The following GDPD5 variants were observed in gnomAD, a reference collection of about 807,000 sequenced individuals.
The protein encoded by GDPD5 is glycerophosphodiester phosphodiesterase 2.
Under a neutral mutation model 75.1 loss-of-function variants are expected in GDPD5, and 48 were observed. The observed-to-expected ratio is 0.64, with a 90% CI of 0.51 to 0.81. GDPD5 has a LOEUF of 0.81. Ranked by LOEUF, GDPD5 falls within the 40% of genes least tolerant of loss-of-function variation. The pLI, the probability that GDPD5 is intolerant of heterozygous loss-of-function variation, is 0.00. For synonymous variants in GDPD5, 336 were observed against 339.0 expected, an observed-to-expected ratio of 0.99 and a Z score of 0.10; for missense variants, 706 against 822.6, an observed-to-expected ratio of 0.86 and a Z score of 1.73.
chr11:75,445,390 C>T (rs1468473984), intron 9 of GDPD5, among the ~76,000 whole-genome samples: 1 of 152,204 alleles, frequency 6.6e-6, no homozygotes, highest in South Asian at 2.1e-4. Context: ...TCAGTTTCCC[C>T]ATGTGCCCCT....
intron 5 of GDPD5, among the ~76,000 whole-genome samples, chr11:75,457,129 C>T (rs955407504): frequency 1.3e-5 from 2 of 152,234 alleles, no homozygotes; most frequent in Admixed American, 6.5e-5. Flanking sequence ...GAGTTCCAGT[C>T]CCCGGGATTC....
At position 75,514,435 on chromosome 11, in the gene GDPD5, C is replaced by T. The variant is rs570201574; in HGVS notation, c.-145+10775G>A. 1.4e-4 allele frequency among the ~76,000 whole-genome samples: 22 copies of T among 152,368 alleles called. No individual in the cohort carries two copies. The East Asian group carries it at 1.7e-3, about 12-fold the overall frequency. ...ACTGGCCTTGGGCCACACAGTGAGA[C>T]GGAGGTGCCAGGACCCAGGCCTTTA... On this transcript the variant is annotated intron_variant, in intron 1 of 16. Transcript: ENST00000336898.
In GDPD5 at chr11:75,449,981, G is replaced by A. The variant is rs774908785; in HGVS notation, c.378C>T (p.Ile126=). 5.2e-5 allele frequency: 84 copies of A among 1,613,210 alleles called. No individual in the cohort carries two copies. Among genetic ancestry groups the A allele is most frequent in the Admixed American group, 8.3e-5 (5 of 60,010 alleles). ...TGGAAGCCAGGATGACCACCAGCCC[G>A]ATCTGGAGGGGGAAGAGTCACCGGA... The part of the protein sequence containing the change: ...QQMNLHWLHK[I]GLVVILASTV... Residue 126 remains isoleucine (I), a splice_region_variant and synonymous_variant, in exon 7 of 17, where the codon ATC becomes ATT. Coordinates refer to ENST00000336898, the MANE Select transcript of GDPD5 (RefSeq NM_030792.8).
At chr11:75,483,704 A>T (rs994837892) in intron 2 of GDPD5, among the ~76,000 whole-genome samples, 2 of 152,222 alleles carry the variant, frequency 1.3e-5, no homozygotes, top group African/African-American at 4.8e-5. Flanking sequence ...TGAGGCAACA[A>T]CATGAATCTT....
chr11:75,468,071 G>A (rs557213444), intron 3 of GDPD5, among the ~76,000 whole-genome samples: 14 of 152,288 alleles, frequency 9.2e-5, no homozygotes, highest in Admixed American at 1.3e-4. Flanking sequence ...GGGCATGGCC[G>A]CTGGGGTGGG....
At chr11:75,459,783 CT>C (rs1190290479) in intron 4 of GDPD5, among the ~76,000 whole-genome samples, 1 of 146,014 alleles carries the variant, frequency 6.8e-6, no homozygotes, top group Non-Finnish European at 1.5e-5. Flanking sequence ...GCACTCCAGC[CT>C]GGGTGACAGA....
chr11:75,459,894 C>A (rs1238160625), intron 4 of GDPD5, among the ~76,000 whole-genome samples: 1 of 151,964 alleles, frequency 6.6e-6, no homozygotes, highest in Admixed American at 6.6e-5. Context: ...GCAACTTGTT[C>A]AAGGTCATCA....
Position 75,435,244 on chromosome 11 carries a change from G to A in GDPD5, c.*263C>T. 1 of 391,570 alleles carries A rather than the reference G, an allele frequency of 2.6e-6. No individual in the cohort carries two copies. Among genetic ancestry groups the A allele is most frequent in the South Asian group, 6.5e-5 (1 of 15,414 alleles). The allele number at this position is 391,570 out of a possible 1,614,324, so 24.3% of individuals were successfully genotyped here. Reference sequence around the variant, plus strand: ...GATACAGGAGAGGGCCTCAGAAGAGGGGGACCAAGCCCTAGGCCCCATACT... The same window carrying A: ...GATACAGGAGAGGGCCTCAGAAGAGAGGGACCAAGCCCTAGGCCCCATACT... On this transcript the variant is annotated 3_prime_UTR_variant, in exon 17 of 17. Coordinates refer to ENST00000336898, the MANE Select transcript of GDPD5 (RefSeq NM_030792.8).
intron 1 of GDPD5, among the ~76,000 whole-genome samples, chr11:75,504,464 G>T (rs1035951277): frequency 1.3e-4 from 20 of 152,224 alleles, no homozygotes; most frequent in African/African-American, 4.8e-4. Flanking sequence ...ATGTGGTCTA[G>T]CCACACAATG....
At chr11:75,460,704 C>A (rs928832894) in intron 4 of GDPD5, among the ~76,000 whole-genome samples, 1 of 152,102 alleles carries the variant, frequency 6.6e-6, no homozygotes, top group Non-Finnish European at 1.5e-5. Context: ...CCTTGGCCTC[C>A]CAACGTGCTG....
intron 1 of GDPD5, among the ~76,000 whole-genome samples, chr11:75,522,659 C>T (rs1206577735): frequency 6.6e-6 from 1 of 152,154 alleles, no homozygotes; most frequent in Non-Finnish European, 1.5e-5. Flanking sequence ...CCTGTCCTAT[C>T]CTGCCTGCCC....
intron 6 of GDPD5, among the ~76,000 whole-genome samples, chr11:75,453,436 G>A (rs1949214863): frequency 6.6e-6 from 1 of 152,058 alleles, no homozygotes. Flanking sequence ...AGCTAACACG[G>A]TGAAACCTCG....
chr11:75,496,926 A>G (rs2135437971), intron 1 of GDPD5, among the ~76,000 whole-genome samples: 1 of 151,618 alleles, frequency 6.6e-6, no homozygotes. Context: ...GACTATAGGT[A>G]TGTGCTACCA....
intron 3 of GDPD5, among the ~76,000 whole-genome samples, chr11:75,465,099 G>T (rs1240472938): frequency 3.3e-5 from 5 of 152,078 alleles, no homozygotes; most frequent in Non-Finnish European, 7.4e-5. Flanking sequence ...TCTCCCAAAG[G>T]GTGAACCATG....
intron 1 of GDPD5, among the ~76,000 whole-genome samples, chr11:75,523,104 T>C (rs1192984227): frequency 1.3e-5 from 2 of 152,178 alleles, no homozygotes; most frequent in African/African-American, 4.8e-5. Context: ...CTTTTCTTCA[T>C]AGGGATGGAA....
rs531247904 is a variant in GDPD5, at chr11:75,510,036, C to T, written c.-145+15174G>A. Among the ~76,000 whole-genome samples, 14 of 152,354 alleles carry T rather than the reference C, an allele frequency of 9.2e-5. No homozygotes were observed. In the East Asian group the frequency reaches 1.2e-3, roughly 13 times the overall value. Reference sequence around the variant, plus strand: ...CCTCCCCGTGCTAAGCTGCAGCATGCGCTCAATGCCACTGCCACTCCCAGT... The same window carrying T: ...CCTCCCCGTGCTAAGCTGCAGCATGTGCTCAATGCCACTGCCACTCCCAGT... On this transcript the variant is annotated intron_variant, in intron 1 of 16. Coordinates refer to ENST00000336898, the MANE Select transcript of GDPD5 (RefSeq NM_030792.8).
chr11:75,436,248 G>A (rs1014149185), intron 16 of GDPD5, among the ~76,000 whole-genome samples: 3 of 152,124 alleles, frequency 2.0e-5, no homozygotes, highest in Non-Finnish European at 4.4e-5. Flanking sequence ...AGTGGAGTTC[G>A]GCCATATAGA....
chr11:75,439,492 G>A lies in GDPD5; in HGVS notation c.1556+387C>T, dbSNP rs530860149. 15 of 402,682 alleles carry A rather than the reference G, an allele frequency of 3.7e-5. No individual in the cohort carries two copies. In the East Asian group the frequency reaches 8.9e-4, roughly 24 times the overall value. 24.9% of individuals were successfully genotyped at this position (402,682 alleles called of 1,614,324 possible). ...GCCCCTTGGTTCCTGGCTGGGTGGG[G>A]GCCCCAGGCTGGCCCTAGACCCTCC... On this transcript the variant is annotated intron_variant, in intron 15 of 16. Transcript: ENST00000336898.
Position 75,441,821 on chromosome 11 carries a change from G to T in GDPD5, c.1168-18C>A, listed in dbSNP as rs1285676164. On this transcript the variant is annotated intron_variant, in intron 12 of 16. Transcript: ENST00000336898. ...CACATGACCTGCAGGCAGAAGAGAG[G>T]CAGCCTCAGACTTCTCTTCTGCACG... 3.8e-6 allele frequency: 6 copies of T among 1,599,294 alleles called. No individual in the cohort carries two copies. The East Asian group carries it at 1.3e-4, about 36-fold the overall frequency.
Sources: gnomAD v4.1 joint callset for allele counts (sites outside exome capture counted in the v4.1 genomes callset) on GRCh38, gnomAD v4.1.1 for gene constraint, MANE v1.5 for transcripts, NCBI Gene and HGNC (gene_info 2026-07-23, HGNC 2026-07-21) for gene names.